Variants in DPYD observed in about 807,000 individuals in gnomAD.
DPYD encodes the protein dihydropyrimidine dehydrogenase.
In DPYD, 109 loss-of-function variants were observed where a neutral mutation model predicts 116.2. The ratio of observed to expected loss-of-function variants is 0.94; its 90% CI spans 0.80 to 1.10. The LOEUF (loss-of-function observed/expected upper bound fraction) is 1.10. DPYD is among the 50% of genes least tolerant of loss of function. The probability of loss-of-function intolerance (pLI) is 0.00; values close to 1 mark genes in which losing one functional copy is unlikely to be tolerated. For missense variants in DPYD, 1,302 were observed against 1,254.5 expected (o/e 1.04, Z -0.57); for synonymous variants, 440 against 432.0 (o/e 1.02, Z -0.23).
chr1:97,818,142 A>T (rs1326240245), intron 3 of DPYD, among the ~76,000 whole-genome samples: 1 of 152,014 alleles, frequency 6.6e-6, no homozygotes, highest in Non-Finnish European at 1.5e-5. Context: ...TCAAACAGAT[A>T]CATTCTGTAT....
At chr1:97,459,327 T>C (rs1676887128) in intron 13 of DPYD, among the ~76,000 whole-genome samples, 1 of 152,040 alleles carries the variant, frequency 6.6e-6, no homozygotes, top group Non-Finnish European at 1.5e-5. Flanking sequence ...AAAATCAAAT[T>C]GCAGTTCACA....
intron 1 of DPYD, among the ~76,000 whole-genome samples, chr1:97,896,249 T>C (rs927157565): frequency 6.6e-6 from 1 of 151,766 alleles, no homozygotes; most frequent in Non-Finnish European, 1.5e-5. Context: ...AAAGCTCACA[T>C]AAATGGATAA....
intron 8 of DPYD, among the ~76,000 whole-genome samples, chr1:97,613,130 C>T (rs1205516077): frequency 1.3e-5 from 2 of 151,864 alleles, no homozygotes; most frequent in Admixed American, 6.6e-5. Context: ...TTGATTCCTT[C>T]CTTCCTTCAA....
At chr1:97,546,571 A>G in intron 12 of DPYD, 1 of 1,606,772 alleles carries the variant, frequency 6.2e-7, no homozygotes, top group East Asian at 2.2e-5. Flanking sequence ...ATTGGAAACC[A>G]AATCAAAAAT....
intron 13 of DPYD, among the ~76,000 whole-genome samples, chr1:97,487,444 C>G (rs9629025): frequency 6.6e-6 from 1 of 151,926 alleles, no homozygotes; most frequent in Admixed American, 6.6e-5. Context: ...GAGGCCAAGG[C>G]GGGCGGATCA....
At chr1:97,799,190 C>T (rs1047225549) in intron 3 of DPYD, among the ~76,000 whole-genome samples, 1 of 151,942 alleles carries the variant, frequency 6.6e-6, no homozygotes, top group Non-Finnish European at 1.5e-5. Context: ...AGCCTGTACA[C>T]TGTTCCACAG....
At chr1:97,451,701 C>T (rs1226693338) in intron 13 of DPYD, among the ~76,000 whole-genome samples, 1 of 152,148 alleles carries the variant, frequency 6.6e-6, no homozygotes, top group Non-Finnish European at 1.5e-5. Context: ...GTATGTTCTA[C>T]GTCCCTACAG....
At chr1:97,820,376 T>C (rs1304621975) in intron 3 of DPYD, among the ~76,000 whole-genome samples, 1 of 152,160 alleles carries the variant, frequency 6.6e-6, no homozygotes, top group Non-Finnish European at 1.5e-5. Context: ...AGCCTTTCAA[T>C]AAAAAGTTAG....
intron 10 of DPYD, among the ~76,000 whole-genome samples, chr1:97,580,914 T>G (rs1318190302): frequency 6.6e-6 from 1 of 152,134 alleles, no homozygotes; most frequent in African/African-American, 2.4e-5. Flanking sequence ...TACCTCCGCA[T>G]TCTGTATTTG....
intron 19 of DPYD, among the ~76,000 whole-genome samples, chr1:97,224,693 C>T (rs527790596): frequency 4.6e-5 from 7 of 151,902 alleles, no homozygotes; most frequent in African/African-American, 1.7e-4. Context: ...CATATGATAA[C>T]TACAGTTCTA....
Position 97,334,817 on chromosome 1 carries a change from A to C in DPYD, c.2059-28520T>G, listed in dbSNP as rs368118398. On this transcript the variant is annotated intron_variant, in intron 16 of 22. Transcript: ENST00000370192. ...ATATCAGTGCTCAGCAGAACTATTT[A>C]AATTTGTCCTTGGAGAACAAATAGA... Among the ~76,000 whole-genome samples the C allele has an allele frequency of 2.4e-4, 37 of 152,316 alleles. No individual in the cohort carries two copies. The South Asian group carries it at 7.1e-3, about 29-fold the overall frequency.
chr1:97,788,754 C>G (rs1276477202), intron 3 of DPYD, among the ~76,000 whole-genome samples: 1 of 152,142 alleles, frequency 6.6e-6, no homozygotes, highest in Non-Finnish European at 1.5e-5. Flanking sequence ...AATTCTCATC[C>G]AGGATTGAAT....
chr1:97,508,593 T>A (rs950594740), intron 13 of DPYD, among the ~76,000 whole-genome samples: 17 of 152,014 alleles, frequency 1.1e-4, no homozygotes, highest in African/African-American at 4.1e-4. Context: ...AAGTCCTCAG[T>A]GTAAATGCTC....
At chr1:97,699,319 C>A (rs750630269) in intron 6 of DPYD, 32 bp downstream of exon 6, 1 of 1,596,694 alleles carries the variant, frequency 6.3e-7, no homozygotes, top group East Asian at 2.2e-5. Flanking sequence ...TCATTTCTGA[C>A]ACTATAAACA....
chr1:97,577,787 C>A (rs867620763), intron 10 of DPYD, among the ~76,000 whole-genome samples: 2 of 151,600 alleles, frequency 1.3e-5, no homozygotes, highest in Admixed American at 6.6e-5. Flanking sequence ...TATTATTTGT[C>A]TTGTTATAAG....
chr1:97,582,962 T>A (rs1653797279), intron 10 of DPYD, among the ~76,000 whole-genome samples: 1 of 152,028 alleles, frequency 6.6e-6, no homozygotes, highest in Non-Finnish European at 1.5e-5. Flanking sequence ...AAGGGTTGAT[T>A]TTTTGTTGTT....
chr1:97,081,396 T>A (rs1487231170), intron 22 of DPYD, among the ~76,000 whole-genome samples: 4 of 152,092 alleles, frequency 2.6e-5, no homozygotes, highest in Admixed American at 2.6e-4. Context: ...TTTCCAAAAC[T>A]TTAAAATTTG....
chr1:97,875,780 T>A (rs1188378167), intron 2 of DPYD, among the ~76,000 whole-genome samples: 6 of 152,032 alleles, frequency 3.9e-5, no homozygotes, highest in African/African-American at 1.4e-4. Flanking sequence ...ATTTACACAT[T>A]AATAATATCT....
At chr1:97,920,717 C>T (rs1482712973) in intron 1 of DPYD, among the ~76,000 whole-genome samples, 167 bp downstream of exon 1, 3 of 152,208 alleles carry the variant, frequency 2.0e-5, no homozygotes, top group African/African-American at 7.2e-5. Flanking sequence ...CCCACGCGGG[C>T]CTGTGGCTCC....
Sources: allele counts gnomAD v4.1 joint callset (sites outside exome capture counted in the v4.1 genomes callset), GRCh38; gene constraint gnomAD v4.1.1; transcripts MANE v1.5; gene names NCBI Gene and HGNC (gene_info 2026-07-23, HGNC 2026-07-21).